The following COX7B2 variants were observed in gnomAD, a reference collection of about 807,000 sequenced individuals.
COX7B2 encodes the protein cytochrome c oxidase subunit 7B2, mitochondrial.
For synonymous variants in COX7B2, 37 were observed against 32.1 expected (o/e 1.15, Z -0.51); for missense variants, 109 against 95.9 (o/e 1.14, Z -0.57).
intron 1 of COX7B2, among the ~76,000 whole-genome samples, chr4:46,870,379 T>C (rs915407546): frequency 1.3e-5 from 2 of 151,900 alleles, no homozygotes; most frequent in African/African-American, 2.4e-5. Context: ...GCCAACATTA[T>C]ACTGAATGAG....
At chr4:46,899,606 T>C (rs1280039829) in intron 1 of COX7B2, among the ~76,000 whole-genome samples, 1 of 152,172 alleles carries the variant, frequency 6.6e-6, no homozygotes, top group Non-Finnish European at 1.5e-5. Context: ...ATGAGCTAAA[T>C]AGTTGGCCTT....
chr4:46,858,457 GT>G (rs1717138385), intron 1 of COX7B2, among the ~76,000 whole-genome samples: 2 of 151,780 alleles, frequency 1.3e-5, no homozygotes, highest in Non-Finnish European at 2.9e-5. Flanking sequence ...GTTTCAGGCC[GT>G]TTTTCATTCA....
At chr4:46,858,046 G>A (rs2109793573) in intron 1 of COX7B2, among the ~76,000 whole-genome samples, 1 of 152,168 alleles carries the variant, frequency 6.6e-6, no homozygotes, top group South Asian at 2.1e-4. Context: ...GCCACTGGTT[G>A]ACATCCCAAT....
intron 2 of COX7B2, among the ~76,000 whole-genome samples, chr4:46,812,960 T>C (rs1469961663): frequency 1.3e-5 from 2 of 152,058 alleles, no homozygotes; most frequent in Non-Finnish European, 2.9e-5. Flanking sequence ...ACTGCTCCAG[T>C]ATGCCAGTGG....
intron 1 of COX7B2, among the ~76,000 whole-genome samples, chr4:46,881,000 A>T (rs1312069519): frequency 6.6e-6 from 1 of 151,264 alleles, no homozygotes; most frequent in African/African-American, 2.4e-5. Flanking sequence ...TAATAAAAAA[A>T]AAAAAAAAAA....
intron 2 of COX7B2, among the ~76,000 whole-genome samples, chr4:46,780,129 A>G (rs1717365108): frequency 6.6e-6 from 1 of 152,220 alleles, no homozygotes; most frequent in East Asian, 1.9e-4. Context: ...GCTTGATTAG[A>G]TTCAATGACT....
At position 46,887,184 on chromosome 4, in the gene COX7B2, C is replaced by A. The variant is rs186512673; in HGVS notation, c.-105+21976G>T. ...TTTCTGAGAAGCATTTTAAGGAATA[C>A]ATTTTCATGTACATTTTCCATTGAA... On this transcript the variant is annotated intron_variant, in intron 1 of 2. Transcript: ENST00000355591. Among the ~76,000 whole-genome samples the A allele has an allele frequency of 2.2e-3, 333 of 152,322 alleles. 1 individual carries two copies. Among genetic ancestry groups the A allele is most frequent in the Middle Eastern group, 0.014 (4 of 294 alleles).
Position 46,880,654 on chromosome 4 carries a change from T to C in COX7B2, c.-105+28506A>G, listed in dbSNP as rs143890158. On this transcript the variant is annotated intron_variant, in intron 1 of 2. Transcript: ENST00000355591. ...GTGGTAACATTCTCTTCATCATTTCTAGTTGTGTTTATTTGGATCTTCTCT... is the reference window on the plus strand; with the variant it reads ...GTGGTAACATTCTCTTCATCATTTCCAGTTGTGTTTATTTGGATCTTCTCT... Among the ~76,000 whole-genome samples the C allele has an allele frequency of 5.9e-3, 891 of 151,700 alleles. 7 individuals carry two copies. The highest frequency in any genetic ancestry group is 9.5e-3 in the Admixed American group (145 of 15,242).
At chr4:46,767,994 G>A (rs1577682293) in intron 2 of COX7B2, among the ~76,000 whole-genome samples, 1 of 152,248 alleles carries the variant, frequency 6.6e-6, no homozygotes, top group African/African-American at 2.4e-5. Flanking sequence ...GGCACTGGCA[G>A]GAACGAACCC....
chr4:46,838,214 A>G (rs998923675), intron 2 of COX7B2, among the ~76,000 whole-genome samples: 1 of 152,100 alleles, frequency 6.6e-6, no homozygotes, highest in African/African-American at 2.4e-5. Flanking sequence ...ATCCTGTGAA[A>G]TAATTATGCT....
In COX7B2 at chr4:46,818,429, C is replaced by T. The variant is rs1187787053; in HGVS notation, c.-50+26531G>A. On this transcript the variant is annotated intron_variant, in intron 2 of 2. Transcript: ENST00000355591. ...CGGGTGGATCATGAGGTCAGGAGAT[C>T]GCGACCATCCTGGCTAACACAGTGA... is the stretch of plus-strand genomic sequence containing the variant. Among the ~76,000 whole-genome samples the T allele has an allele frequency of 7.2e-5, 11 of 151,956 alleles. No individual in the cohort carries two copies. The East Asian group carries it at 1.7e-3, about 24-fold the overall frequency.
chr4:46,799,412 C>T (rs867889119), intron 2 of COX7B2, among the ~76,000 whole-genome samples: 1 of 151,940 alleles, frequency 6.6e-6, no homozygotes, highest in African/African-American at 2.4e-5. Flanking sequence ...ATTCAAGCAG[C>T]GAGGGTGGGC....
At chr4:46,822,555 A>T (rs1714376584) in intron 2 of COX7B2, among the ~76,000 whole-genome samples, 1 of 152,184 alleles carries the variant, frequency 6.6e-6, no homozygotes, top group Non-Finnish European at 1.5e-5. Flanking sequence ...ACAGAAACAG[A>T]AAAACTGGCA....
At chr4:46,841,147 C>T (rs1477699909) in intron 2 of COX7B2, among the ~76,000 whole-genome samples, 1 of 151,860 alleles carries the variant, frequency 6.6e-6, no homozygotes, top group African/African-American at 2.4e-5. Flanking sequence ...TTATTTTAAC[C>T]TGATATTAGT....
chr4:46,743,094 T>C (rs1457572841), intron 2 of COX7B2, among the ~76,000 whole-genome samples: 2 of 152,200 alleles, frequency 1.3e-5, no homozygotes, highest in African/African-American at 4.8e-5. Context: ...TTGAAGGCTT[T>C]TCTGTGTGTC....
At chr4:46,830,296 C>T (rs1162178824) in intron 2 of COX7B2, among the ~76,000 whole-genome samples, 1 of 143,956 alleles carries the variant, frequency 6.9e-6, no homozygotes, top group South Asian at 2.2e-4. Context: ...TGCACTCCAG[C>T]CTGGGCTACA....
In COX7B2 at chr4:46,735,067, C is replaced by G; in HGVS notation, c.126G>C (p.Val42=). Residue 42 remains valine (V), a synonymous_variant, in exon 3 of 3, where the codon GTG becomes GTC. Transcript: ENST00000355591. ...CACAGAAAGCAGTTCCACTGGCTAGCACAGCATTACCATATTTATCATGAA... is the reference window on the plus strand; with the variant it reads ...CACAGAAAGCAGTTCCACTGGCTAGGACAGCATTACCATATTTATCATGAA... ...PDFHDKYGNA[V]LASGTAFCVA... 6.2e-7 allele frequency: 1 copy of G among 1,614,040 alleles called. No homozygotes were observed. Among genetic ancestry groups the G allele is most frequent in the African/African-American group, 1.3e-5 (1 of 75,034 alleles).
At chr4:46,754,724 G>GTATA (rs776374967) in intron 2 of COX7B2, among the ~76,000 whole-genome samples, 12,004 of 46,434 alleles carry the variant, frequency 0.26, 1,708 homozygotes, top group East Asian at 0.37. Flanking sequence ...GTGTGTGTGT[G>GTATA]TGTGTATATA....
At chr4:46,775,747 T>A (rs1251723198) in intron 2 of COX7B2, among the ~76,000 whole-genome samples, 1 of 152,108 alleles carries the variant, frequency 6.6e-6, no homozygotes, top group Non-Finnish European at 1.5e-5. Context: ...AGAATAGGAA[T>A]TTATAAGTAA....
Sources: gnomAD v4.1 joint callset for allele counts (sites outside exome capture counted in the v4.1 genomes callset) on GRCh38, gnomAD v4.1.1 for gene constraint, MANE v1.5 for transcripts, NCBI Gene and HGNC (gene_info 2026-07-23, HGNC 2026-07-21) for gene names.